EFCAB3: variants seen among roughly 807,000 people sequenced by gnomAD.
EFCAB3 encodes the protein EF-hand calcium binding domain 3.
EFCAB3 carries 36 observed loss-of-function variants against 42.2 expected under a neutral mutation model. The ratio of observed to expected loss-of-function variants is 0.85; its 90% CI spans 0.65 to 1.13. EFCAB3 has a LOEUF of 1.13. Ranked by LOEUF, EFCAB3 falls within the 50% of genes most tolerant of loss-of-function variation. The probability of loss-of-function intolerance (pLI) is 0.00; values close to 1 mark genes in which losing one functional copy is unlikely to be tolerated. For synonymous variants in EFCAB3, 170 were observed against 172.8 expected, an observed-to-expected ratio of 0.98 and a Z score of 0.13; for missense variants, 418 against 505.1, an observed-to-expected ratio of 0.83 and a Z score of 1.65.
At chr17:62,387,219 T>G (rs781484170) in intron 2 of EFCAB3, 121 bp from the exon 3 acceptor site, 1 of 647,414 alleles carries the variant, frequency 1.5e-6, no homozygotes. Flanking sequence ...TCCCTTAGGA[T>G]AGTAGACTGG....
chr17:62,398,722 C>CAT (rs922219770), intron 6 of EFCAB3, among the ~76,000 whole-genome samples: 17 of 151,188 alleles, frequency 1.1e-4, no homozygotes, highest in African/African-American at 3.6e-4. Flanking sequence ...CACACACACA[C>CAT]ATATATATAT....
At chr17:62,385,552 C>T (rs78135225) in intron 2 of EFCAB3, among the ~76,000 whole-genome samples, 2,502 of 152,136 alleles carry the variant, frequency 0.016, 74 homozygotes, top group African/African-American at 0.057. Context: ...AGATAAAATT[C>T]CACTTTCAAA....
chr17:62,406,930 G>C, intron 7 of EFCAB3, 98 bp from the exon 8 acceptor site: 2 of 1,300,162 alleles, frequency 1.5e-6, no homozygotes, highest in African/African-American at 1.5e-5. Context: ...TGGCCACTGA[G>C]AAGAATAGAC....
intron 6 of EFCAB3, among the ~76,000 whole-genome samples, chr17:62,404,305 C>T (rs1265311650): frequency 6.6e-6 from 1 of 152,206 alleles, no homozygotes; most frequent in African/African-American, 2.4e-5. Context: ...AGTTCAAGAC[C>T]TGCCTGGGCA....
At chr17:62,394,821 T>C (rs1373374482) in intron 5 of EFCAB3, among the ~76,000 whole-genome samples, 1 of 152,208 alleles carries the variant, frequency 6.6e-6, no homozygotes, top group Non-Finnish European at 1.5e-5. Flanking sequence ...AAAATTCATG[T>C]TTGTGTTAAA....
intron 6 of EFCAB3, among the ~76,000 whole-genome samples, chr17:62,400,756 G>T (rs1016354759): frequency 6.6e-6 from 1 of 152,128 alleles, no homozygotes; most frequent in Non-Finnish European, 1.5e-5. Context: ...TAATGGGATT[G>T]CTGGGTCAAA....
At chr17:62,389,552 T>A (rs771757142) in intron 3 of EFCAB3, among the ~76,000 whole-genome samples, 6 of 152,172 alleles carry the variant, frequency 3.9e-5, no homozygotes, top group Non-Finnish European at 7.4e-5. Context: ...TACTTCAAGA[T>A]CCCCAGCATC....
At chr17:62,377,985 C>CT, upstream of EFCAB3, 1 of 1,549,534 alleles carries the variant, frequency 6.5e-7, no homozygotes, top group Non-Finnish European at 8.7e-7. Context: ...AATGGTGACT[C>CT]TGCATAAGTT....
In EFCAB3 at chr17:62,381,318, G is replaced by GGACATGA. The variant is rs1438954109; in HGVS notation, c.-18+706_-18+712dup. 9.2e-5 allele frequency among the ~76,000 whole-genome samples: 14 copies of GGACATGA among 152,096 alleles called. No individual in the cohort carries two copies. The East Asian group carries it at 2.7e-3, about 29-fold the overall frequency. ...CCAGCTTCATCCATGTGCCTACAAA[G>GGACATGA]GACATGAACTCATCATTTTTTATGG... On this transcript the variant is annotated intron_variant, in intron 1 of 9. Transcript: ENST00000305286.
intron 2 of EFCAB3, among the ~76,000 whole-genome samples, chr17:62,385,215 G>A (rs2070238428): frequency 6.6e-6 from 1 of 152,140 alleles, no homozygotes; most frequent in African/African-American, 2.4e-5. Context: ...AGGTAGAGGT[G>A]GGAGGAACAC....
chr17:62,399,767 AC>A (rs887773959), intron 6 of EFCAB3, among the ~76,000 whole-genome samples: 12 of 151,794 alleles, frequency 7.9e-5, no homozygotes, highest in African/African-American at 2.9e-4. Context: ...CAACCCTCCT[AC>A]CACTCCCTGT....
intron 8 of EFCAB3, among the ~76,000 whole-genome samples, chr17:62,408,844 G>T (rs955446530): frequency 4.6e-5 from 7 of 152,112 alleles, no homozygotes; most frequent in Non-Finnish European, 2.9e-5. Flanking sequence ...TCACATCATG[G>T]TCTATGGCTT....
At chr17:62,385,738 GA>G (rs2070243204) in intron 2 of EFCAB3, among the ~76,000 whole-genome samples, 1 of 49,466 alleles carries the variant, frequency 2.0e-5, no homozygotes. Flanking sequence ...TTTTTTTTTT[GA>G]GACAGAGTCT....
At chr17:62,379,784 T>C (rs934641439), upstream of EFCAB3, among the ~76,000 whole-genome samples, 4 of 152,184 alleles carry the variant, frequency 2.6e-5, no homozygotes, top group African/African-American at 9.6e-5. Context: ...CCATGAGACA[T>C]GTCAGATCAT....
chr17:62,371,603 T>G, intron 1 of EFCAB3, among the ~76,000 whole-genome samples: 1 of 152,132 alleles, frequency 6.6e-6, no homozygotes, highest in South Asian at 2.1e-4. Context: ...TTTCATTTCT[T>G]AAATCACAAA....
intron 6 of EFCAB3, among the ~76,000 whole-genome samples, chr17:62,404,800 AAATAAT>A (rs143877290): frequency 4.0e-5 from 6 of 151,778 alleles, no homozygotes; most frequent in Non-Finnish European, 8.8e-5. Flanking sequence ...CCATCTCAAA[AAATAAT>A]AATAATAATA....
intron 1 of EFCAB3, among the ~76,000 whole-genome samples, chr17:62,373,240 A>C (rs2070126656): frequency 1.3e-5 from 2 of 150,132 alleles, no homozygotes; most frequent in African/African-American, 4.9e-5. Flanking sequence ...AGATCACACC[A>C]CTGCACTCCA....
intron 2 of EFCAB3, among the ~76,000 whole-genome samples, chr17:62,385,223 C>T (rs2070238495): frequency 6.6e-6 from 1 of 152,142 alleles, no homozygotes; most frequent in Non-Finnish European, 1.5e-5. Flanking sequence ...GTGGGAGGAA[C>T]ACTTGAGCCC....
In EFCAB3 at chr17:62,383,121, T is replaced by C. The variant is rs1205271687; in HGVS notation, c.74+68T>C. 3.5e-6 allele frequency: 5 copies of C among 1,428,324 alleles called. No homozygotes were observed. The East Asian group carries it at 1.2e-4, about 34-fold the overall frequency. 88.5% of individuals were successfully genotyped at this position (1,428,324 alleles called of 1,614,324 possible). On this transcript the variant is annotated intron_variant, in intron 2 of 9. Coordinates refer to ENST00000305286, the MANE Select transcript of EFCAB3 (RefSeq NM_173503.4). ...AGAATTATTAGTGTTACAGCTCTTT[T>C]AGAATTTTGTCTAGCAGGTTTTCCG... is the stretch of plus-strand genomic sequence containing the variant.
Sources: gnomAD v4.1 joint callset for allele counts (sites outside exome capture counted in the v4.1 genomes callset) on GRCh38, gnomAD v4.1.1 for gene constraint, MANE v1.5 for transcripts, NCBI Gene and HGNC (gene_info 2026-07-23, HGNC 2026-07-21) for gene names.